MTHFD1L: variants seen among roughly 807,000 people sequenced by gnomAD.
MTHFD1L encodes the protein monofunctional C1-tetrahydrofolate synthase, mitochondrial.
Under a neutral mutation model 119.5 loss-of-function variants are expected in MTHFD1L, and 81 were observed. The observed-to-expected ratio is 0.68, with a 90% CI of 0.57 to 0.82. The LOEUF (loss-of-function observed/expected upper bound fraction) is 0.82. MTHFD1L is among the 40% of genes least tolerant of loss of function. MTHFD1L has a pLI of 0.00. For synonymous variants in MTHFD1L, 430 were observed against 475.2 expected (o/e 0.90, Z 1.24); for missense variants, 1,125 against 1,253.4 (o/e 0.90, Z 1.55).
At chr6:150,976,271 G>C (rs1776553953) in intron 20 of MTHFD1L, among the ~76,000 whole-genome samples, 1 of 152,156 alleles carries the variant, frequency 6.6e-6, no homozygotes, top group South Asian at 2.1e-4. Context: ...GCTGGATGTG[G>C]CACACTGATA....
In MTHFD1L at chr6:150,882,798, A is replaced by G; in HGVS notation, c.454A>G (p.Arg152Gly). ...AATCTTAAAGATCAATGAAGATACC[A>G]GAGTACATGGCCTTGCCCTTCAGAT... ...DEILKINEDTRVHGLALQISE... is the reference protein window; with the variant it reads ...DEILKINEDTGVHGLALQISE... Residue 152 changes from arginine to glycine, a missense_variant, in exon 5 of 28, where the codon AGA becomes GGA. Physicochemically the swap from Arg to Gly is moderately radical, Grantham distance 125. This residue lies in a region of MTHFD1L where 1,058 missense variants were observed against 1,151.2 expected (regional missense o/e 0.92). Coordinates refer to ENST00000367321, the MANE Select transcript of MTHFD1L (RefSeq NM_015440.5). The G allele has an allele frequency of 6.4e-7, 1 of 1,560,230 alleles. No individual in the cohort carries two copies.
chr6:150,866,151 C>A, intron 1 of MTHFD1L, 102 bp downstream of exon 1: 1 of 1,405,172 alleles, frequency 7.1e-7, no homozygotes. Context: ...CGCGGGGCTG[C>A]GAGTGTTTGG....
chr6:151,067,190 C>A (rs1791398357), intron 26 of MTHFD1L, among the ~76,000 whole-genome samples: 1 of 152,006 alleles, frequency 6.6e-6, no homozygotes, highest in African/African-American at 2.4e-5. Context: ...AACGGGGTTT[C>A]ACCACGTTGG....
At chr6:151,099,554 C>G in intron 27 of MTHFD1L, 1 of 1,605,128 alleles carries the variant, frequency 6.2e-7, no homozygotes, top group Non-Finnish European at 8.5e-7. Flanking sequence ...CTTGTGAAGC[C>G]CAAGATCGTC....
intron 8 of MTHFD1L, among the ~76,000 whole-genome samples, chr6:150,911,977 A>C (rs1380991137): frequency 6.6e-6 from 1 of 152,076 alleles, no homozygotes; most frequent in Non-Finnish European, 1.5e-5. Flanking sequence ...TCAAGATGAG[A>C]TTTGGGTGGG....
chr6:151,101,166 T>TA (rs200049492), intron 27 of MTHFD1L, among the ~76,000 whole-genome samples: 4 of 151,910 alleles, frequency 2.6e-5, no homozygotes, highest in African/African-American at 4.8e-5. Context: ...CTCAAAAAAT[T>TA]AAAAAAAAAT....
intron 26 of MTHFD1L, among the ~76,000 whole-genome samples, chr6:151,053,263 G>T (rs1323543543): frequency 6.6e-6 from 1 of 151,014 alleles, no homozygotes; most frequent in East Asian, 1.9e-4. Flanking sequence ...TCTTTGCTCT[G>T]TTTTTTTTTA....
chr6:151,098,904 G>A (rs570246404), intron 27 of MTHFD1L, among the ~76,000 whole-genome samples: 136 of 152,116 alleles, frequency 8.9e-4, no homozygotes, highest in African/African-American at 3.2e-3. Flanking sequence ...GGCCAGGCAC[G>A]GTAGCTCGCA....
intron 24 of MTHFD1L, among the ~76,000 whole-genome samples, chr6:151,031,447 G>T (rs780501183): frequency 8.5e-5 from 13 of 152,198 alleles, no homozygotes; most frequent in Non-Finnish European, 1.8e-4. Flanking sequence ...AGGTAGGAGC[G>T]CCCCAAGGGC....
At chr6:151,084,692 G>T (rs185419768) in intron 26 of MTHFD1L, among the ~76,000 whole-genome samples, 2 of 152,054 alleles carry the variant, frequency 1.3e-5, no homozygotes, top group Non-Finnish European at 2.9e-5. Flanking sequence ...CGGGCCGGGC[G>T]TGGTGGCTCA....
chr6:150,888,567 C>CAT (rs1446606897), intron 7 of MTHFD1L, among the ~76,000 whole-genome samples: 1 of 152,036 alleles, frequency 6.6e-6, no homozygotes, highest in Non-Finnish European at 1.5e-5. Context: ...ATTAAGAAGA[C>CAT]CCATATAAAA....
At chr6:151,068,085 A>G (rs989858450) in intron 26 of MTHFD1L, among the ~76,000 whole-genome samples, 2 of 152,248 alleles carry the variant, frequency 1.3e-5, no homozygotes, top group African/African-American at 4.8e-5. Flanking sequence ...CAAATAACAC[A>G]ATTCTGATTC....
At chr6:150,914,374 A>G (rs1296033259) in intron 8 of MTHFD1L, among the ~76,000 whole-genome samples, 1 of 152,192 alleles carries the variant, frequency 6.6e-6, no homozygotes, top group African/African-American at 2.4e-5. Flanking sequence ...CCAAAAGTTA[A>G]TTTTGCAGGT....
chr6:150,945,892 A>T (rs1793851212), intron 15 of MTHFD1L, among the ~76,000 whole-genome samples: 1 of 152,146 alleles, frequency 6.6e-6, no homozygotes, highest in Non-Finnish European at 1.5e-5. Context: ...GCTACTCATG[A>T]TGCTGATGTG....
intron 18 of MTHFD1L, among the ~76,000 whole-genome samples, chr6:150,964,537 T>G (rs1796918052): frequency 1.3e-5 from 2 of 152,218 alleles, no homozygotes; most frequent in Non-Finnish European, 2.9e-5. Flanking sequence ...TTTAGACATT[T>G]CCCTTTACCC....
chr6:150,943,049 G>A (rs1047568254), intron 13 of MTHFD1L, among the ~76,000 whole-genome samples: 2 of 152,058 alleles, frequency 1.3e-5, no homozygotes, highest in South Asian at 4.1e-4. Context: ...TTGGGAGTCT[G>A]AGGTGGGCAG....
intron 24 of MTHFD1L, among the ~76,000 whole-genome samples, chr6:151,031,549 A>G (rs1785340868): frequency 6.6e-6 from 1 of 152,220 alleles, no homozygotes; most frequent in Admixed American, 6.5e-5. Context: ...TAGATCTTAG[A>G]AAGCTCAGAG....
intron 21 of MTHFD1L, 48 bp from the exon 22 acceptor site, chr6:151,013,731 T>G: frequency 4.0e-6 from 6 of 1,515,494 alleles, no homozygotes; most frequent in Non-Finnish European, 5.5e-6. Flanking sequence ...ATCGGTTGTG[T>G]AAGCATTTTT....
In MTHFD1L at chr6:150,925,427, C is replaced by T. The variant is rs963686030; in HGVS notation, c.1083-695C>T. Among the ~76,000 whole-genome samples, 8 of 152,104 alleles carry T rather than the reference C, an allele frequency of 5.3e-5. No individual in the cohort carries two copies. In the East Asian group the frequency reaches 7.7e-4, roughly 15 times the overall value. On this transcript the variant is annotated intron_variant, in intron 10 of 27. Transcript: ENST00000367321. ...TGGTATCCAGACCACTCCTGTAAGACGAGCAGTGGTGGCCAGTAAAATAGA... is the reference window on the plus strand; with the variant it reads ...TGGTATCCAGACCACTCCTGTAAGATGAGCAGTGGTGGCCAGTAAAATAGA...
Sources: allele counts gnomAD v4.1 joint callset (sites outside exome capture counted in the v4.1 genomes callset), GRCh38; gene constraint gnomAD v4.1.1; regional missense constraint gnomAD v4.1.1; transcripts MANE v1.5; gene names NCBI Gene and HGNC (gene_info 2026-07-23, HGNC 2026-07-21).